Variants in HIRA observed in about 807,000 individuals in gnomAD.
HIRA encodes protein HIRA.
HIRA carries 13 observed loss-of-function variants against 126.6 expected under a neutral mutation model. The ratio of observed to expected loss-of-function variants is 0.10; its 90% CI spans 0.07 to 0.16. The LOEUF is 0.16. Among genes scored for constraint, HIRA ranks in the 10% least tolerant of loss-of-function variants. The pLI, the probability that HIRA is intolerant of heterozygous loss-of-function variation, is 1.00. For synonymous variants in HIRA, 511 were observed against 520.0 expected (o/e 0.98, Z 0.24); for missense variants, 834 against 1,314.4 (o/e 0.63, Z 5.65).
intron 9 of HIRA, among the ~76,000 whole-genome samples, chr22:19,389,505 C>T (rs995428245): frequency 6.6e-6 from 1 of 152,158 alleles, no homozygotes; most frequent in African/African-American, 2.4e-5. Context: ...CAGCCTGAGA[C>T]TGCTATGTGG....
chr22:19,365,499 A>T (rs559481518), intron 15 of HIRA, among the ~76,000 whole-genome samples: 1 of 152,236 alleles, frequency 6.6e-6, no homozygotes, highest in Admixed American at 6.5e-5. Context: ...TTCTAAATCT[A>T]TAAATGCAAC....
chr22:19,348,929 G>GAGTGTGC (rs2088722266), intron 24 of HIRA, among the ~76,000 whole-genome samples: 2 of 151,676 alleles, frequency 1.3e-5, no homozygotes, highest in East Asian at 1.9e-4. Context: ...GGGATTACAG[G>GAGTGTGC]CACATGTCAC....
chr22:19,354,975 G>A (rs2088797032), intron 21 of HIRA, among the ~76,000 whole-genome samples: 1 of 151,730 alleles, frequency 6.6e-6, no homozygotes. Flanking sequence ...GTCTCACTAT[G>A]TTGCCCAAGC....
chr22:19,347,400 C>T (rs1210708), intron 24 of HIRA, among the ~76,000 whole-genome samples: 18,416 of 152,220 alleles, frequency 0.12, 1,408 homozygotes, highest in Non-Finnish European at 0.17. Context: ...TTAGCATCTG[C>T]AGCTGATATC....
intron 23 of HIRA, 48 bp downstream of exon 23, chr22:19,353,308 A>G (rs782384787): frequency 3.1e-6 from 5 of 1,606,244 alleles, no homozygotes; most frequent in Non-Finnish European, 4.3e-6. Flanking sequence ...GCCTGGGAGG[A>G]TGGAGGGGCA....
At chr22:19,422,772 C>G (rs900702070) in intron 1 of HIRA, among the ~76,000 whole-genome samples, 16 of 152,194 alleles carry the variant, frequency 1.1e-4, no homozygotes, top group African/African-American at 3.9e-4. Context: ...AGCACACTCC[C>G]ATAGCTATCT....
chr22:19,405,442 G>A (rs2089300387), intron 5 of HIRA: 4 of 976,064 alleles, frequency 4.1e-6, no homozygotes, highest in Non-Finnish European at 4.9e-6. Context: ...GATTTCTGGG[G>A]AATAAACAAA....
chr22:19,392,263 T>C, intron 8 of HIRA, 49 bp from the exon 9 acceptor site: 1 of 1,186,894 alleles, frequency 8.4e-7, no homozygotes, highest in South Asian at 1.3e-5. Flanking sequence ...GCATCAGGCA[T>C]GTCCCCTGTG....
intron 20 of HIRA, 55 bp downstream of exon 20, chr22:19,356,174 AT>A: frequency 6.6e-7 from 1 of 1,506,902 alleles, no homozygotes; most frequent in Non-Finnish European, 9.2e-7. Flanking sequence ...CTTCTGCAGC[AT>A]CAGACATGAA....
At chr22:19,422,816 G>GTC (rs2089458919) in intron 1 of HIRA, among the ~76,000 whole-genome samples, 1 of 152,138 alleles carries the variant, frequency 6.6e-6, no homozygotes, top group African/African-American at 2.4e-5. Flanking sequence ...GCTCCCTGTA[G>GTC]TCTTCCTCCA....
intron 20 of HIRA, 38 bp from the exon 21 acceptor site, chr22:19,355,903 G>T: frequency 7.1e-7 from 1 of 1,398,904 alleles, no homozygotes; most frequent in Non-Finnish European, 1.0e-6. Flanking sequence ...GGTGTGCTCT[G>T]ATCAGCAAGT....
chr22:19,398,060 T>G lies in HIRA; in HGVS notation c.425A>C (p.His142Pro). ...GDVMDVAWSP[H>P]DAWLASCSVD... The stretch of plus-strand genomic sequence containing the variant: ...GCTGCATGAGGCTAGCCAGGCATCG[T>G]GGGGAGACCATGCTACATCCATCAC... Residue 142 changes from histidine (H) to proline (P), a missense_variant, in exon 6 of 25, where the codon CAC (histidine) becomes CCC (proline). By Grantham distance (77) the His-to-Pro change is moderately conservative (BLOSUM62 -2). Coordinates refer to ENST00000263208, the MANE Select transcript of HIRA (RefSeq NM_003325.4). The G allele has an allele frequency of 6.2e-7, 1 of 1,614,042 alleles. No homozygotes were observed. The highest frequency in any genetic ancestry group is 8.5e-7 in the Non-Finnish European group (1 of 1,179,960).
chr22:19,373,929 G>T, intron 15 of HIRA, among the ~76,000 whole-genome samples: 1 of 152,074 alleles, frequency 6.6e-6, no homozygotes, highest in Non-Finnish European at 1.5e-5. Context: ...TCACTGCTCT[G>T]GCTTTTTTGT....
chr22:19,379,033 T>C (rs2089044729), intron 13 of HIRA, among the ~76,000 whole-genome samples: 1 of 142,580 alleles, frequency 7.0e-6, no homozygotes, highest in African/African-American at 3.0e-5. Context: ...TTTTTCTTTT[T>C]CTTTTTTTTT....
intron 15 of HIRA, 112 bp downstream of exon 15, chr22:19,375,519 G>C: frequency 1.8e-6 from 2 of 1,129,328 alleles, no homozygotes; most frequent in Non-Finnish European, 2.6e-6. Flanking sequence ...TGAGTGGCTA[G>C]AGTCTTTTCC....
intron 9 of HIRA, among the ~76,000 whole-genome samples, chr22:19,390,627 A>AAAAAAAAAAAAAAT (rs61174807): frequency 6.7e-6 from 1 of 149,070 alleles, no homozygotes; most frequent in East Asian, 1.9e-4. Flanking sequence ...AAAAAAAAAA[A>AAAAAAAAAAAAAAT]GAAGCTGAAG....
intron 24 of HIRA, among the ~76,000 whole-genome samples, chr22:19,343,362 G>C (rs964640249): frequency 6.6e-6 from 1 of 151,644 alleles, no homozygotes; most frequent in African/African-American, 2.4e-5. Flanking sequence ...GACCAGCCTG[G>C]GCAACACAGC....
intron 5 of HIRA, among the ~76,000 whole-genome samples, chr22:19,401,329 T>G (rs1473129951): frequency 1.3e-5 from 2 of 152,194 alleles, no homozygotes; most frequent in African/African-American, 4.8e-5. Flanking sequence ...AGGGTCTCGC[T>G]ATGATGCCCA....
chr22:19,341,728 T>C (rs2088631296), intron 24 of HIRA, among the ~76,000 whole-genome samples: 1 of 152,190 alleles, frequency 6.6e-6, no homozygotes, highest in African/African-American at 2.4e-5. Flanking sequence ...CAAGTGGTGC[T>C]GGGATAACTG....
Sources: allele counts gnomAD v4.1 joint callset (sites outside exome capture counted in the v4.1 genomes callset), GRCh38; gene constraint gnomAD v4.1.1; transcripts MANE v1.5; gene names NCBI Gene and HGNC (gene_info 2026-07-23, HGNC 2026-07-21).